The following CTNNA3 variants were observed in gnomAD, a reference collection of about 807,000 sequenced individuals.
The protein encoded by CTNNA3 is catenin alpha 3.
In CTNNA3, 76 loss-of-function variants were observed where a neutral mutation model predicts 95.7. That is an observed-to-expected ratio of 0.79 (90% CI 0.66 to 0.96). The LOEUF (loss-of-function observed/expected upper bound fraction) is 0.96, where lower values mean the gene tolerates loss of function less well. Ranked by LOEUF, CTNNA3 falls within the 40% of genes least tolerant of loss-of-function variation. The pLI, the probability that CTNNA3 is intolerant of heterozygous loss-of-function variation, is 0.00. For synonymous variants in CTNNA3, 431 were observed against 374.4 expected (o/e 1.15, Z -1.74); for missense variants, 1,191 against 1,089.8 (o/e 1.09, Z -1.31).
At chr10:66,843,627 T>C (rs1432036932) in intron 7 of CTNNA3, among the ~76,000 whole-genome samples, 1 of 152,164 alleles carries the variant, frequency 6.6e-6, no homozygotes, top group Non-Finnish European at 1.5e-5. Flanking sequence ...GGAAAGCATC[T>C]TGATGAGGCA....
intron 7 of CTNNA3, among the ~76,000 whole-genome samples, chr10:67,128,051 A>G (rs1479360918): frequency 6.6e-6 from 1 of 152,130 alleles, no homozygotes; most frequent in African/African-American, 2.4e-5. Flanking sequence ...CTCTGGAGTC[A>G]TTCTTGACTC....
At chr10:66,587,510 A>G (rs1004769891) in intron 10 of CTNNA3, among the ~76,000 whole-genome samples, 6 of 152,098 alleles carry the variant, frequency 3.9e-5, no homozygotes, top group Admixed American at 3.9e-4. Context: ...AAAGCTGGGT[A>G]TGGGCTAGGT....
intron 7 of CTNNA3, among the ~76,000 whole-genome samples, chr10:67,048,108 A>G (rs1854862616): frequency 6.6e-6 from 1 of 152,096 alleles, no homozygotes; most frequent in South Asian, 2.1e-4. Context: ...TATTTTGTAA[A>G]AAGAAACATC....
chr10:67,738,563 C>A (rs910020316), intron 1 of CTNNA3, among the ~76,000 whole-genome samples: 5 of 152,100 alleles, frequency 3.3e-5, no homozygotes, highest in Non-Finnish European at 5.9e-5. Context: ...CAGCTCCTCA[C>A]CACCAACGGA....
intron 9 of CTNNA3, among the ~76,000 whole-genome samples, chr10:66,692,854 G>T (rs1204579216): frequency 6.6e-6 from 1 of 152,078 alleles, no homozygotes; most frequent in Non-Finnish European, 1.5e-5. Flanking sequence ...TTCATATCCA[G>T]CCAAACTAAG....
intron 7 of CTNNA3, chr10:67,054,922 TA>T (rs2133199266): frequency 6.6e-6 from 1 of 152,298 alleles, no homozygotes; most frequent in Non-Finnish European, 1.5e-5. Flanking sequence ...TGACTGTCAT[TA>T]TAATGTTAAA....
chr10:66,799,192 G>A (rs751126662), intron 7 of CTNNA3, among the ~76,000 whole-genome samples: 6 of 150,954 alleles, frequency 4.0e-5, no homozygotes, highest in Non-Finnish European at 7.4e-5. Flanking sequence ...ATGATCCACT[G>A]TGAATAGCTT....
At chr10:66,289,828 G>A (rs1263414677) in intron 12 of CTNNA3, among the ~76,000 whole-genome samples, 2 of 151,912 alleles carry the variant, frequency 1.3e-5, no homozygotes, top group African/African-American at 4.8e-5. Flanking sequence ...AAAACTTTCT[G>A]AATCTATGTA....
rs564354945 is a variant in CTNNA3 at position 66,425,488 on chromosome 10, C to T, written c.1532-46136G>A. On this transcript the variant is annotated intron_variant, in intron 11 of 17. Transcript: ENST00000433211. ...GTGTAACTGTACACACACTCAGATA[C>T]GCATAATTTCTGACAGAGATTAAAT... Among the ~76,000 whole-genome samples, 137 of 151,866 alleles carry T rather than the reference C, an allele frequency of 9.0e-4. 1 individual carries two copies. Among genetic ancestry groups the T allele is most frequent in the South Asian group, 1.2e-3 (6 of 4,818 alleles).
chr10:67,376,281 C>T (rs1564608648), intron 5 of CTNNA3, among the ~76,000 whole-genome samples: 1 of 152,188 alleles, frequency 6.6e-6, no homozygotes, highest in East Asian at 1.9e-4. Context: ...AGGAAAGTCA[C>T]TTAACCCTCA....
At chr10:65,977,210 T>C (rs2078223271) in intron 16 of CTNNA3, among the ~76,000 whole-genome samples, 1 of 152,176 alleles carries the variant, frequency 6.6e-6, no homozygotes, top group African/African-American at 2.4e-5. Context: ...TTTTTAAATC[T>C]AAGTTTTATA....
At chr10:66,580,193 T>C (rs943398079) in intron 10 of CTNNA3, among the ~76,000 whole-genome samples, 1 of 151,756 alleles carries the variant, frequency 6.6e-6, no homozygotes, top group African/African-American at 2.4e-5. Context: ...GTTCTAACAT[T>C]TCTATTTCAT....
At chr10:66,805,575 G>C (rs886433559) in intron 7 of CTNNA3, among the ~76,000 whole-genome samples, 1 of 150,422 alleles carries the variant, frequency 6.6e-6, no homozygotes, top group African/African-American at 2.4e-5. Flanking sequence ...GGTAATTTAT[G>C]GGGGGGAGAA....
At chr10:67,441,417 C>A (rs1395311575) in intron 5 of CTNNA3, among the ~76,000 whole-genome samples, 1 of 152,048 alleles carries the variant, frequency 6.6e-6, no homozygotes, top group East Asian at 1.9e-4. Context: ...TATCAGAGAA[C>A]TGCCCAAACC....
chr10:66,046,154 A>G (rs1409641679), intron 15 of CTNNA3, among the ~76,000 whole-genome samples: 1 of 152,112 alleles, frequency 6.6e-6, no homozygotes, highest in Non-Finnish European at 1.5e-5. Flanking sequence ...ACCTGGGAAC[A>G]ACACAGAGCA....
At chr10:66,266,081 G>A (rs2091143304) in intron 13 of CTNNA3, among the ~76,000 whole-genome samples, 1 of 149,088 alleles carries the variant, frequency 6.7e-6, no homozygotes, top group Non-Finnish European at 1.5e-5. Flanking sequence ...AAGAGAGAGA[G>A]GAAGGGGGGG....
At chr10:67,510,675 A>C (rs1429470309) in intron 5 of CTNNA3, among the ~76,000 whole-genome samples, 1 of 152,074 alleles carries the variant, frequency 6.6e-6, no homozygotes, top group Non-Finnish European at 1.5e-5. Context: ...TTGGCACTAC[A>C]AGCTCTTTTT....
chr10:67,109,134 C>T (rs1858794694), intron 7 of CTNNA3, among the ~76,000 whole-genome samples: 1 of 152,052 alleles, frequency 6.6e-6, no homozygotes, highest in Non-Finnish European at 1.5e-5. Context: ...TTGGGCTGTG[C>T]AATTTAAATT....
At chr10:66,445,578 G>A (rs142202659) in intron 11 of CTNNA3, among the ~76,000 whole-genome samples, 13,727 of 152,070 alleles carry the variant, frequency 0.09, 734 homozygotes, top group Middle Eastern at 0.14. Flanking sequence ...TGACTACTGG[G>A]TACATAACAA....
Sources: gnomAD v4.1 joint callset for allele counts (sites outside exome capture counted in the v4.1 genomes callset) on GRCh38, gnomAD v4.1.1 for gene constraint, MANE v1.5 for transcripts, NCBI Gene and HGNC (gene_info 2026-07-23, HGNC 2026-07-21) for gene names.